The following COMMD10 variants were observed in gnomAD, a reference collection of about 807,000 sequenced individuals.
COMMD10 encodes the protein COMM domain containing 10.
Under a neutral mutation model 28.9 loss-of-function variants are expected in COMMD10, and 33 were observed. The ratio of observed to expected loss-of-function variants is 1.14; its 90% confidence interval spans 0.87 to 1.53. The LOEUF (loss-of-function observed/expected upper bound fraction) is 1.53, where lower values mean the gene tolerates loss of function less well. COMMD10 is among the 40% of genes most tolerant of loss of function. COMMD10 has a pLI of 0.00. For missense variants in COMMD10, 310 were observed against 233.4 expected, an observed-to-expected ratio of 1.33 and a Z score of -2.14; for synonymous variants, 110 against 81.7, an observed-to-expected ratio of 1.35 and a Z score of -1.87.
chr5:116,199,470 A>G (rs1400209946), intron 5 of COMMD10, among the ~76,000 whole-genome samples: 2 of 152,128 alleles, frequency 1.3e-5, no homozygotes, highest in South Asian at 2.1e-4. Context: ...AATTTAATGA[A>G]GTCCAGCTTG....
chr5:116,245,070 A>T (rs1749907957), intron 5 of COMMD10, among the ~76,000 whole-genome samples: 1 of 152,142 alleles, frequency 6.6e-6, no homozygotes, highest in South Asian at 2.1e-4. Flanking sequence ...AAATTAATAA[A>T]ATACATAGAT....
At chr5:116,129,422 GTATA>G in intron 4 of COMMD10, among the ~76,000 whole-genome samples, 1 of 66,104 alleles carries the variant, frequency 1.5e-5, no homozygotes, top group East Asian at 3.2e-4. Context: ...ATATACATTA[GTATA>G]TATATACTAT....
At chr5:116,189,479 A>G (rs1399580739) in intron 5 of COMMD10, among the ~76,000 whole-genome samples, 2 of 152,122 alleles carry the variant, frequency 1.3e-5, no homozygotes, top group Non-Finnish European at 2.9e-5. Context: ...CTTTAGTGCC[A>G]TCTTGTTTCC....
chr5:116,133,570 T>C (rs1224132859), intron 4 of COMMD10, among the ~76,000 whole-genome samples: 1 of 152,172 alleles, frequency 6.6e-6, no homozygotes, highest in Non-Finnish European at 1.5e-5. Flanking sequence ...ATCTGGATAC[T>C]TTAGTTTCCC....
At chr5:116,134,005 T>C in intron 4 of COMMD10, 63 bp from the exon 5 acceptor site, 1 of 970,212 alleles carries the variant, frequency 1.0e-6, no homozygotes, top group Non-Finnish European at 1.7e-6. Context: ...GGAGATTTGC[T>C]TAAAGTTGAC....
At chr5:116,092,500 T>C in intron 3 of COMMD10, 45 bp from the exon 4 acceptor site, 1 of 1,385,540 alleles carries the variant, frequency 7.2e-7, no homozygotes, top group Non-Finnish European at 9.7e-7. Flanking sequence ...AAAGTTTCAG[T>C]ATGAAGATGA....
intron 5 of COMMD10, among the ~76,000 whole-genome samples, chr5:116,157,007 C>T (rs1489831671): frequency 6.6e-6 from 1 of 152,146 alleles, no homozygotes; most frequent in Non-Finnish European, 1.5e-5. Flanking sequence ...CTAGAGATCT[C>T]AGGCAAATCC....
chr5:116,092,925 C>A (rs1032709204), intron 4 of COMMD10, among the ~76,000 whole-genome samples: 1 of 152,108 alleles, frequency 6.6e-6, no homozygotes, highest in Non-Finnish European at 1.5e-5. Context: ...CAGTTGTTTA[C>A]CCTTGTGATC....
intron 5 of COMMD10, among the ~76,000 whole-genome samples, chr5:116,151,988 G>T (rs551361421): frequency 6.6e-6 from 1 of 152,094 alleles, no homozygotes; most frequent in South Asian, 2.1e-4. Context: ...TCTCTTGTGG[G>T]TATTTAGTGC....
chr5:116,181,428 G>C (rs1344641457), intron 5 of COMMD10, among the ~76,000 whole-genome samples: 1 of 149,830 alleles, frequency 6.7e-6, no homozygotes, highest in East Asian at 1.9e-4. Context: ...AGCTGAGCTG[G>C]TGTTTTACAT....
At chr5:116,123,690 G>A (rs888429301) in intron 4 of COMMD10, among the ~76,000 whole-genome samples, 2 of 152,184 alleles carry the variant, frequency 1.3e-5, no homozygotes, top group South Asian at 2.1e-4. Flanking sequence ...CTATGAATCT[G>A]TCTGGTCCTT....
chr5:116,157,732 T>G (rs1049454886), intron 5 of COMMD10, among the ~76,000 whole-genome samples: 7 of 152,178 alleles, frequency 4.6e-5, no homozygotes, highest in Admixed American at 1.3e-4. Context: ...TGGAGTCATT[T>G]TTGCAATTTA....
intron 4 of COMMD10, among the ~76,000 whole-genome samples, chr5:116,127,978 C>G (rs1310507073): frequency 6.6e-6 from 1 of 151,848 alleles, no homozygotes; most frequent in African/African-American, 2.4e-5. Context: ...GAGAAGACTG[C>G]TCTGGATAAA....
intron 5 of COMMD10, among the ~76,000 whole-genome samples, chr5:116,268,579 G>A (rs1486609712): frequency 6.6e-6 from 1 of 151,872 alleles, no homozygotes; most frequent in Non-Finnish European, 1.5e-5. Flanking sequence ...AATACCATTT[G>A]ACCCAGCCAT....
At chr5:116,230,846 A>T (rs1580566946) in intron 5 of COMMD10, among the ~76,000 whole-genome samples, 3 of 151,696 alleles carry the variant, frequency 2.0e-5, no homozygotes, top group South Asian at 4.2e-4. Flanking sequence ...TATATAGATA[A>T]ATAATACGTG....
intron 5 of COMMD10, among the ~76,000 whole-genome samples, chr5:116,269,210 A>C (rs960335961): frequency 3.3e-5 from 5 of 151,930 alleles, no homozygotes; most frequent in African/African-American, 1.2e-4. Flanking sequence ...AAACCTGTAC[A>C]GAAAGTACTC....
intron 4 of COMMD10, among the ~76,000 whole-genome samples, chr5:116,104,074 G>C (rs939116878): frequency 6.6e-6 from 1 of 152,166 alleles, no homozygotes; most frequent in African/African-American, 2.4e-5. Context: ...TTTGAAGTCA[G>C]GTAGCATGAT....
intron 5 of COMMD10, among the ~76,000 whole-genome samples, chr5:116,174,682 A>C (rs924501396): frequency 3.9e-5 from 6 of 152,138 alleles, no homozygotes; most frequent in African/African-American, 1.4e-4. Context: ...GAGTCATTAA[A>C]GATAACCCCA....
chr5:116,277,658 T>G (rs1750955932), intron 5 of COMMD10, among the ~76,000 whole-genome samples: 1 of 151,890 alleles, frequency 6.6e-6, no homozygotes, highest in Non-Finnish European at 1.5e-5. Context: ...AACTTGCCCT[T>G]TTTAATTTGT....
Sources: allele counts gnomAD v4.1 joint callset (sites outside exome capture counted in the v4.1 genomes callset), GRCh38; gene constraint gnomAD v4.1.1; transcripts MANE v1.5; gene names NCBI Gene and HGNC (gene_info 2026-07-23, HGNC 2026-07-21).